Variants in CNOT1 observed in about 807,000 individuals in gnomAD.
The protein encoded by CNOT1 is CCR4-NOT transcription complex subunit 1.
A neutral mutation model predicts 273.8 loss-of-function variants in CNOT1; 15 were observed. The ratio of observed to expected loss-of-function variants is 0.05; its 90% CI spans 0.04 to 0.08. The LOEUF is 0.08. Among genes scored for constraint, CNOT1 ranks in the 10% least tolerant of loss-of-function variants. The pLI is 1.00. For synonymous variants in CNOT1, 1,022 were observed against 1,005.5 expected (o/e 1.02, Z -0.31); for missense variants, 1,644 against 2,912.2 (o/e 0.56, Z 10.02).
chr16:58,536,292 A>G (rs1258273341), intron 39 of CNOT1, among the ~76,000 whole-genome samples: 1 of 152,246 alleles, frequency 6.6e-6, no homozygotes, highest in Non-Finnish European at 1.5e-5. Flanking sequence ...GCCAAGTTAT[A>G]TTATAAATTA....
chr16:58,623,161 G>C (rs1013159156), intron 1 of CNOT1: 1 of 150,868 alleles, frequency 6.6e-6, no homozygotes, highest in Non-Finnish European at 1.5e-5. Flanking sequence ...TCGCGCTCCA[G>C]CCTGGGGGAT....
At chr16:58,620,401 G>A (rs1290806125) in intron 1 of CNOT1, among the ~76,000 whole-genome samples, 1 of 152,086 alleles carries the variant, frequency 6.6e-6, no homozygotes, top group East Asian at 1.9e-4. Context: ...AACACTTTGG[G>A]AGGCCGAGGT....
Position 58,590,370 on chromosome 16 carries a change from C to T in CNOT1, c.103-1464G>A, listed in dbSNP as rs372799843. On this transcript the variant is annotated intron_variant, in intron 2 of 48. Coordinates refer to ENST00000317147, the MANE Select transcript of CNOT1 (RefSeq NM_016284.5). ...TAATAACATGAAAGCTGTCTAAGTTCTTAGCTTATTTCAGTTTCCCTTCTC... is the reference window on the plus strand; with the variant it reads ...TAATAACATGAAAGCTGTCTAAGTTTTTAGCTTATTTCAGTTTCCCTTCTC... Among the ~76,000 whole-genome samples, 62 of 152,230 alleles carry T rather than the reference C, an allele frequency of 4.1e-4. No individual in the cohort carries two copies. The East Asian group carries it at 0.01, about 25-fold the overall frequency.
chr16:58,595,338 C>G (rs1317968367), intron 2 of CNOT1, among the ~76,000 whole-genome samples: 1 of 147,126 alleles, frequency 6.8e-6, no homozygotes, highest in Admixed American at 7.1e-5. Context: ...CACTATTTCT[C>G]TTTGGAGATG....
rs925721275 is a variant in CNOT1 at position 58,542,712 on chromosome 16, T to C, written c.4435-144A>G. The C allele has an allele frequency of 1.2e-5, 16 of 1,284,918 alleles. No individual in the cohort carries two copies. The African/African-American group carries it at 1.3e-4, about 11-fold the overall frequency. 79.6% of individuals were successfully genotyped at this position (1,284,918 alleles called of 1,614,324 possible). On this transcript the variant is annotated intron_variant, in intron 31 of 48. Coordinates refer to ENST00000317147, the MANE Select transcript of CNOT1 (RefSeq NM_016284.5). ...GACTCTACTTATGAACAAGCTGTGA[T>C]CTTGAAACAGTCTTAACAGCTTCCT...
chr16:58,626,617 G>A (rs998688788), intron 1 of CNOT1, among the ~76,000 whole-genome samples: 4 of 151,566 alleles, frequency 2.6e-5, no homozygotes, highest in Admixed American at 1.3e-4. Context: ...AAAATTAGCT[G>A]GGTGCAGTGG....
rs776285930 is a variant in CNOT1 at position 58,543,462 on chromosome 16, C to G, written c.4434+145G>C. 3 of 1,497,740 alleles carry G rather than the reference C, an allele frequency of 2.0e-6. No individual in the cohort carries two copies. In the South Asian group the frequency reaches 4.0e-5, roughly 20 times the overall value. 92.8% of individuals were successfully genotyped at this position (1,497,740 alleles called of 1,614,324 possible). A position where few individuals can be genotyped will look rare whatever the true frequency, so the allele number is the denominator to read the frequency against. On this transcript the variant is annotated intron_variant, in intron 31 of 48. Coordinates refer to ENST00000317147, the MANE Select transcript of CNOT1 (RefSeq NM_016284.5). ...ATGCTTTGCCTCACAGAATTACAAT[C>G]TAAAATGATGGAAGACATCAAACAA...
chr16:58,555,702 C>G, intron 20 of CNOT1, 82 bp downstream of exon 20: 2 of 1,585,840 alleles, frequency 1.3e-6, no homozygotes, highest in South Asian at 1.2e-5. Context: ...GCACTTTGAG[C>G]TGGATTTCTA....
intron 16 of CNOT1, among the ~76,000 whole-genome samples, chr16:58,563,572 A>G (rs924508040): frequency 6.6e-6 from 1 of 152,244 alleles, no homozygotes; most frequent in Non-Finnish European, 1.5e-5. Context: ...AAAAATGCTC[A>G]AAATAATTAA....
At chr16:58,522,797 T>C (rs2039449540) in intron 47 of CNOT1, among the ~76,000 whole-genome samples, 2 of 152,390 alleles carry the variant, frequency 1.3e-5, no homozygotes, top group African/African-American at 4.8e-5. Flanking sequence ...AAAATGTGCC[T>C]TGTGGTAAAC....
Position 58,605,363 on chromosome 16 carries a change from T to G in CNOT1, c.-174-5852A>C, listed in dbSNP as rs374376435. On this transcript the variant is annotated intron_variant, in intron 1 of 48. Transcript: ENST00000317147. ...ACTAAAAATACAAAAATTGGCCGGG[T>G]GTGGTGGTGCACACCTGTAATCCCG... Among the ~76,000 whole-genome samples, 730 of 151,404 alleles carry G rather than the reference T, an allele frequency of 4.8e-3. 10 individuals carry two copies. The highest frequency in any genetic ancestry group is 0.017 in the African/African-American group (689 of 41,258).
intron 2 of CNOT1, among the ~76,000 whole-genome samples, chr16:58,591,326 C>T (rs184096277): frequency 6.6e-6 from 1 of 152,306 alleles, no homozygotes; most frequent in African/African-American, 2.4e-5. Context: ...GTTTTTGTTT[C>T]ACTAGGATCA....
chr16:58,584,846 A>G (rs957086736), intron 8 of CNOT1, among the ~76,000 whole-genome samples: 5 of 152,218 alleles, frequency 3.3e-5, no homozygotes, highest in African/African-American at 1.2e-4. Context: ...AATCCAGTGT[A>G]TCACAGTCTT....
At chr16:58,540,422 T>C (rs1212452951) in intron 34 of CNOT1, among the ~76,000 whole-genome samples, 1 of 152,234 alleles carries the variant, frequency 6.6e-6, no homozygotes, top group Admixed American at 6.5e-5. Context: ...ACACATTACC[T>C]GAACCTAGTC....
rs377330465 is a variant in CNOT1, at chr16:58,528,499, G to T, written c.6429C>A (p.Pro2143=). The T allele has an allele frequency of 3.1e-6, 5 of 1,613,330 alleles. No individual in the cohort carries two copies. The highest frequency in any genetic ancestry group is 4.2e-6 in the Non-Finnish European group (5 of 1,179,434). The change falls in exon 44 of 49, where the codon CCC becomes CCA. Residue 2143 remains proline (P), a synonymous_variant. Coordinates refer to ENST00000317147, the MANE Select transcript of CNOT1 (RefSeq NM_016284.5). Reference sequence around the variant, plus strand: ...CCTTTAGATTAGGAGTGAATGGGTCGGGGAGCCTCATGTTTCTTGGAAAGG... The same window carrying T: ...CCTTTAGATTAGGAGTGAATGGGTCTGGGAGCCTCATGTTTCTTGGAAAGG... ...LSAFPRNMRL[P]DPFTPNLKVD...
intron 1 of CNOT1, among the ~76,000 whole-genome samples, chr16:58,618,576 C>G (rs987664265): frequency 2.6e-5 from 4 of 151,740 alleles, no homozygotes; most frequent in South Asian, 4.2e-4. Context: ...GGGCGAGACT[C>G]CATTTCAAAG....
chr16:58,605,859 G>A (rs542445088), intron 1 of CNOT1, among the ~76,000 whole-genome samples: 4 of 152,156 alleles, frequency 2.6e-5, no homozygotes, highest in Non-Finnish European at 4.4e-5. Flanking sequence ...GTTTTGCCAT[G>A]TTTCCCAGGC....
chr16:58,586,578 G>C lies in CNOT1; in HGVS notation c.604C>G (p.Gln202Glu), dbSNP rs2041883627. The C allele has an allele frequency of 6.2e-7, 1 of 1,611,864 alleles. No homozygotes were observed. The highest frequency in any genetic ancestry group is 8.5e-7 in the Non-Finnish European group (1 of 1,179,590). The change falls in exon 7 of 49, where the codon CAG (glutamine) becomes GAG (glutamate). Residue 202 changes from glutamine to glutamate, a missense_variant. Transcript: ENST00000317147. ...AGCGTCTTAAGAAAAGCGTCTATCTGTTCTTGTCCAACTCCAAAGGCTCCC... is the reference window on the plus strand; with the variant it reads ...AGCGTCTTAAGAAAAGCGTCTATCTCTTCTTGTCCAACTCCAAAGGCTCCC... ...QKGAFGVGQE[Q>E]IDAFLKTLRR... is the part of the protein sequence containing the mutation.
chr16:58,586,004 T>C (rs2041821959), intron 7 of CNOT1, among the ~76,000 whole-genome samples: 1 of 151,686 alleles, frequency 6.6e-6, no homozygotes, highest in African/African-American at 2.4e-5. Context: ...AGAATTCTTA[T>C]CTTTCTCAAA....
Sources: allele counts gnomAD v4.1 joint callset (sites outside exome capture counted in the v4.1 genomes callset), GRCh38; gene constraint gnomAD v4.1.1; transcripts MANE v1.5; gene names NCBI Gene and HGNC (gene_info 2026-07-23, HGNC 2026-07-21).